ZFPM2: variants seen among roughly 807,000 people sequenced by gnomAD.
The protein encoded by ZFPM2 is zinc finger protein ZFPM2.
Under a neutral mutation model 98.6 loss-of-function variants are expected in ZFPM2, and 20 were observed. That is an observed-to-expected ratio of 0.20 (90% CI 0.14 to 0.29). The LOEUF is 0.29. Among genes scored for constraint, ZFPM2 ranks in the 10% least tolerant of loss-of-function variants. The pLI, the probability that ZFPM2 is intolerant of heterozygous loss-of-function variation, is 1.00. For missense variants in ZFPM2, 1,310 were observed against 1,388.6 expected (o/e 0.94, Z 0.90); for synonymous variants, 518 against 502.7 (o/e 1.03, Z -0.41).
At chr8:105,357,016 C>T (rs1468919244) in intron 1 of ZFPM2, among the ~76,000 whole-genome samples, 1 of 152,156 alleles carries the variant, frequency 6.6e-6, no homozygotes, top group Non-Finnish European at 1.5e-5. Flanking sequence ...TGTTTTAGGA[C>T]TTCCCATAAT....
At chr8:105,457,522 T>G (rs1292227290) in intron 3 of ZFPM2, among the ~76,000 whole-genome samples, 1 of 152,188 alleles carries the variant, frequency 6.6e-6, no homozygotes, top group African/African-American at 2.4e-5. Flanking sequence ...AACACATGGC[T>G]GCAGGTACAG....
intron 3 of ZFPM2, among the ~76,000 whole-genome samples, chr8:105,530,585 G>T (rs901527888): frequency 6.6e-6 from 1 of 152,124 alleles, no homozygotes; most frequent in Non-Finnish European, 1.5e-5. Context: ...ACATGAGAGA[G>T]CGAGAGTGCA....
intron 5 of ZFPM2, chr8:105,685,044 C>T (rs989312188): frequency 1.3e-5 from 2 of 151,988 alleles, no homozygotes; most frequent in Non-Finnish European, 2.9e-5. Context: ...AAACTACTGT[C>T]TTGAATTCTG....
intron 5 of ZFPM2, among the ~76,000 whole-genome samples, chr8:105,680,260 G>GA (rs1359450644): frequency 6.6e-6 from 1 of 152,048 alleles, no homozygotes; most frequent in Non-Finnish European, 1.5e-5. Context: ...GTTCTTAAAT[G>GA]AAAAAATCTA....
In ZFPM2 at chr8:105,679,359, C is replaced by CTGATT. The variant is rs200472899; in HGVS notation, c.532+45005_532+45009dup. Among the ~76,000 whole-genome samples the CTGATT allele has an allele frequency of 2.0e-5, 3 of 152,226 alleles. No individual in the cohort carries two copies. The East Asian group carries it at 5.8e-4, about 29-fold the overall frequency. Reference sequence around the variant, plus strand: ...GAGTTCATGTCATTTCTCATCTAACCTGATTTGCACATGTATGTTGACCAT... The same window carrying CTGATT: ...GAGTTCATGTCATTTCTCATCTAACCTGATTTGATTTGCACATGTATGTTGACCAT... On this transcript the variant is annotated intron_variant, in intron 5 of 7. Coordinates refer to ENST00000407775, the MANE Select transcript of ZFPM2 (RefSeq NM_012082.4).
chr8:105,634,445 C>A, intron 5 of ZFPM2, 88 bp downstream of exon 5: 1 of 1,046,272 alleles, frequency 9.6e-7, no homozygotes, highest in African/African-American at 1.6e-5. Context: ...AATGGAAGTA[C>A]AAAGTATAAA....
At chr8:105,399,477 A>G (rs1020257048) in intron 1 of ZFPM2, among the ~76,000 whole-genome samples, 1 of 152,158 alleles carries the variant, frequency 6.6e-6, no homozygotes, top group African/African-American at 2.4e-5. Flanking sequence ...ACGACTCCTC[A>G]CTTTGGGGCT....
At chr8:105,502,735 C>T (rs934573181) in intron 3 of ZFPM2, among the ~76,000 whole-genome samples, 2 of 152,098 alleles carry the variant, frequency 1.3e-5, no homozygotes, top group African/African-American at 2.4e-5. Flanking sequence ...GTAATCTATC[C>T]GGACTTCAGT....
intron 4 of ZFPM2, among the ~76,000 whole-genome samples, chr8:105,567,231 A>G (rs1490797166): frequency 5.9e-5 from 9 of 152,240 alleles, no homozygotes; most frequent in African/African-American, 1.9e-4. Flanking sequence ...ATTCACCTCT[A>G]TAGGCAAAGG....
chr8:105,788,839 G>T lies in ZFPM2; in HGVS notation c.654G>T (p.Met218Ile). 6.2e-7 allele frequency: 1 copy of T among 1,613,926 alleles called. No individual in the cohort carries two copies. Among genetic ancestry groups the T allele is most frequent in the Non-Finnish European group, 8.5e-7 (1 of 1,179,864 alleles). ...AASQMTLTEG[M>I]YPARLLDSIQ... ...GTCAGATGACTCTCACAGAAGGGAT[G>T]TACCCTGCACGCCTGCTGGACTCAA... The change falls in exon 6 of 8, where the codon ATG (methionine) becomes ATT (isoleucine). Residue 218 changes from methionine to isoleucine, a missense_variant. Coordinates refer to ENST00000407775, the MANE Select transcript of ZFPM2 (RefSeq NM_012082.4).
chr8:105,450,242 T>G (rs1812459067), intron 3 of ZFPM2, among the ~76,000 whole-genome samples: 1 of 152,132 alleles, frequency 6.6e-6, no homozygotes. Context: ...GAAGTGAAAC[T>G]GTAGCCAGAA....
intron 1 of ZFPM2, among the ~76,000 whole-genome samples, chr8:105,332,844 G>T (rs79945923): frequency 0.023 from 3,482 of 151,740 alleles, 52 homozygotes; most frequent in South Asian, 0.037. Context: ...AAGGAGCATG[G>T]TATTTTCAAG....
chr8:105,705,398 G>A (rs1280128659), intron 5 of ZFPM2, among the ~76,000 whole-genome samples: 1 of 151,962 alleles, frequency 6.6e-6, no homozygotes, highest in African/African-American at 2.4e-5. Context: ...TTTCTGTTGG[G>A]GTTTGACCAG....
At position 105,658,170 on chromosome 8, in the gene ZFPM2, G is replaced by A. The variant is rs573169418; in HGVS notation, c.532+23813G>A. ...GTCTGGAAGCCTCTGGTGAGTTATG[G>A]CATCAAATCAGGGGACATTTTGACT... is the stretch of plus-strand genomic sequence containing the variant. On this transcript the variant is annotated intron_variant, in intron 5 of 7. Transcript: ENST00000407775. 5.3e-5 allele frequency among the ~76,000 whole-genome samples: 8 copies of A among 152,286 alleles called. No individual in the cohort carries two copies. In the East Asian group the frequency reaches 1.5e-3, roughly 29 times the overall value.
At chr8:105,575,598 G>T (rs895001230) in intron 4 of ZFPM2, among the ~76,000 whole-genome samples, 1 of 152,064 alleles carries the variant, frequency 6.6e-6, no homozygotes, top group Non-Finnish European at 1.5e-5. Flanking sequence ...CTGTCATAGG[G>T]GCATAGGTTC....
chr8:105,689,918 A>T (rs1810836884), intron 5 of ZFPM2, among the ~76,000 whole-genome samples: 1 of 152,164 alleles, frequency 6.6e-6, no homozygotes, highest in South Asian at 2.1e-4. Flanking sequence ...TGAAAGAGAG[A>T]AAAAGTGAAA....
At chr8:105,454,957 G>A (rs1812558627) in intron 3 of ZFPM2, among the ~76,000 whole-genome samples, 1 of 152,154 alleles carries the variant, frequency 6.6e-6, no homozygotes, top group South Asian at 2.1e-4. Flanking sequence ...TTAGTTTTCT[G>A]TTCTAAACCT....
chr8:105,590,596 G>C (rs555895612), intron 4 of ZFPM2, among the ~76,000 whole-genome samples: 2 of 152,338 alleles, frequency 1.3e-5, no homozygotes, highest in South Asian at 4.1e-4. Flanking sequence ...TCGAAGAAGA[G>C]AAATGTTTTG....
chr8:105,449,434 A>G (rs1274711838), intron 3 of ZFPM2, among the ~76,000 whole-genome samples: 3 of 152,094 alleles, frequency 2.0e-5, no homozygotes, highest in Non-Finnish European at 4.4e-5. Flanking sequence ...AGATTTTAAT[A>G]TTTATATGTT....
Sources: gnomAD v4.1 joint callset for allele counts (sites outside exome capture counted in the v4.1 genomes callset) on GRCh38, gnomAD v4.1.1 for gene constraint, MANE v1.5 for transcripts, NCBI Gene and HGNC (gene_info 2026-07-23, HGNC 2026-07-21) for gene names.